The following UQCRC2 variants were observed in gnomAD, a reference collection of about 807,000 sequenced individuals.
UQCRC2 encodes cytochrome b-c1 complex subunit 2, mitochondrial.
Under a neutral mutation model 55.6 loss-of-function variants are expected in UQCRC2, and 49 were observed. The ratio of observed to expected loss-of-function variants is 0.88; its 90% CI spans 0.70 to 1.12. The LOEUF is 1.12. UQCRC2 is among the 50% of genes most tolerant of loss of function. The pLI is 0.00. For synonymous variants in UQCRC2, 193 were observed against 192.0 expected (o/e 1.01, Z -0.04); for missense variants, 506 against 547.8 (o/e 0.92, Z 0.76).
rs1295543807 is a variant in UQCRC2 at position 21,983,326 on chromosome 16, G to T, written c.*155G>T. On this transcript the variant is annotated 3_prime_UTR_variant, in exon 14 of 14. Coordinates refer to ENST00000268379, the MANE Select transcript of UQCRC2 (RefSeq NM_003366.4). ...GGTAATTATTCCCAGCTGACCTAAAGTCAATAAAACATTCTGTTTAAGTGT... is the reference window on the plus strand; with the variant it reads ...GGTAATTATTCCCAGCTGACCTAAATTCAATAAAACATTCTGTTTAAGTGT... 4.9e-6 allele frequency: 3 copies of T among 609,422 alleles called. No homozygotes were observed. The highest frequency in any genetic ancestry group is 8.3e-6 in the Non-Finnish European group (3 of 359,372). The allele number at this position is 609,422 out of a possible 1,614,324, so 37.8% of individuals were successfully genotyped here.
chr16:21,959,868 T>G (rs1898160766), intron 4 of UQCRC2: 1 of 152,234 alleles, frequency 6.6e-6, no homozygotes, highest in Admixed American at 6.5e-5. Context: ...TTGGCATTGT[T>G]GCAGTAATAA....
chr16:21,982,533 C>T (rs529648900), intron 13 of UQCRC2, among the ~76,000 whole-genome samples: 2 of 152,310 alleles, frequency 1.3e-5, no homozygotes, highest in South Asian at 2.1e-4. Flanking sequence ...CAGTGTTGCT[C>T]TTGCTTGGTT....
At position 21,957,288 on chromosome 16, in the gene UQCRC2, A is replaced by G. The variant is rs1169386207; in HGVS notation, c.87A>G (p.Ala29=). ...AAGTTAAAGCCACAGCTGCGCCTGC[A>G]GGAGCACCGCCACAACCTCAGGACC... ...APKVKATAAP[A]GAPPQPQDLE... is the part of the protein sequence containing the mutation. Residue 29 remains alanine, a synonymous_variant, in exon 2 of 14, where the codon GCA becomes GCG. Transcript: ENST00000268379. 1.2e-6 allele frequency: 2 copies of G among 1,613,918 alleles called. No homozygotes were observed. The highest frequency in any genetic ancestry group is 1.3e-5 in the African/African-American group (1 of 74,896).
At position 21,963,494 on chromosome 16, in the gene UQCRC2, G is replaced by A. The variant is rs560152476; in HGVS notation, c.514+609G>A. Among the ~76,000 whole-genome samples, 28 of 151,280 alleles carry A rather than the reference G, an allele frequency of 1.9e-4. No individual in the cohort carries two copies. The South Asian group carries it at 5.7e-3, about 31-fold the overall frequency. ...TGTTTGTTTGTTTGTTTTTGAGACA[G>A]GGTGTTGCTTGTTGCCCAGGCTGGA... On this transcript the variant is annotated intron_variant, in intron 6 of 13. Coordinates refer to ENST00000268379, the MANE Select transcript of UQCRC2 (RefSeq NM_003366.4).
intron 12 of UQCRC2, among the ~76,000 whole-genome samples, chr16:21,977,559 T>A (rs948949337): frequency 1.3e-5 from 2 of 152,204 alleles, no homozygotes; most frequent in Non-Finnish European, 2.9e-5. Context: ...AAATCCCCAC[T>A]GTCCAGATTG....
intron 4 of UQCRC2, among the ~76,000 whole-genome samples, chr16:21,961,686 G>C (rs1200928221): frequency 8.5e-6 from 1 of 118,238 alleles, no homozygotes; most frequent in Non-Finnish European, 1.9e-5. Flanking sequence ...CAGTCTCGCT[G>C]TGTCGCCCAG....
chr16:21,974,660 C>T (rs757139714), intron 11 of UQCRC2, among the ~76,000 whole-genome samples: 2 of 152,098 alleles, frequency 1.3e-5, no homozygotes, highest in Non-Finnish European at 2.9e-5. Context: ...GCTAGTGGAG[C>T]TTAGACATTC....
At chr16:21,970,882 A>G (rs994092389) in intron 8 of UQCRC2, among the ~76,000 whole-genome samples, 4 of 151,782 alleles carry the variant, frequency 2.6e-5, no homozygotes, top group Non-Finnish European at 4.4e-5. Context: ...CACCGTGCCC[A>G]GTCAACTTTG....
chr16:21,981,894 G>A (rs1368175956), intron 13 of UQCRC2, among the ~76,000 whole-genome samples: 3 of 149,482 alleles, frequency 2.0e-5, no homozygotes, highest in African/African-American at 4.9e-5. Context: ...AGGCTGGAGT[G>A]CAGTGGCGCG....
Position 21,982,919 on chromosome 16 carries a change from G to A in UQCRC2, c.1279-169G>A, listed in dbSNP as rs536665943. ...GCGGAGGCTGCAGTGAGCCAAGATC[G>A]CAGCACTGCACTCCACACTGGGTGA... is the stretch of plus-strand genomic sequence containing the variant. On this transcript the variant is annotated intron_variant, in intron 13 of 13. Coordinates refer to ENST00000268379, the MANE Select transcript of UQCRC2 (RefSeq NM_003366.4). Among the ~76,000 whole-genome samples, 23 of 142,340 alleles carry A rather than the reference G, an allele frequency of 1.6e-4. No homozygotes were observed. In the East Asian group the frequency reaches 4.1e-3, roughly 25 times the overall value. The allele number at this position is 142,340 out of a possible 152,430, so 93.4% of individuals were successfully genotyped here.
Position 21,957,441 on chromosome 16 carries a change from G to A in UQCRC2, c.142G>A (p.Val48Met), listed in dbSNP as rs529908256. Residue 48 changes from valine to methionine, a missense_variant, in exon 3 of 14, where the codon GTG (valine) becomes ATG (methionine). Transcript: ENST00000268379. ...GTTTACCAAGTTACCAAATGGCTTG[G>A]TGATTGCTTCTTTGGAAAACTATTC... is the stretch of plus-strand genomic sequence containing the variant. ...LEFTKLPNGLVIASLENYSPV... is the reference protein window; with the variant it reads ...LEFTKLPNGLMIASLENYSPV... 33 of 1,614,064 alleles carry A rather than the reference G, an allele frequency of 2.0e-5. No homozygotes were observed. In the South Asian group the frequency reaches 3.6e-4, roughly 18 times the overall value.
chr16:21,960,592 G>A (rs773402700), intron 4 of UQCRC2, among the ~76,000 whole-genome samples: 13 of 152,134 alleles, frequency 8.5e-5, no homozygotes, highest in Non-Finnish European at 1.5e-4. Flanking sequence ...ACCTGTATCC[G>A]TTTTTAACAT....
At chr16:21,954,714 C>T (rs1898061901) in intron 1 of UQCRC2, among the ~76,000 whole-genome samples, 1 of 152,062 alleles carries the variant, frequency 6.6e-6, no homozygotes, top group Non-Finnish European at 1.5e-5. Flanking sequence ...ATGACAGTTA[C>T]TAGGATAATT....
chr16:21,961,824 G>A (rs1206985274), intron 4 of UQCRC2, among the ~76,000 whole-genome samples: 1 of 151,050 alleles, frequency 6.6e-6, no homozygotes, highest in Admixed American at 6.6e-5. Context: ...GCTAATTTTT[G>A]TATTTTCAGT....
At chr16:21,959,688 T>G (rs1224358581) in intron 4 of UQCRC2, 1 of 152,272 alleles carries the variant, frequency 6.6e-6, no homozygotes, top group East Asian at 1.9e-4. Flanking sequence ...TTTGCCCAGA[T>G]CCATCAGCGT....
chr16:21,962,244 G>C (rs760940300), intron 4 of UQCRC2: 107 of 565,380 alleles, frequency 1.9e-4, no homozygotes, highest in Non-Finnish European at 3.0e-4. Flanking sequence ...TGTAACATGT[G>C]ACCAGATTTC....
intron 8 of UQCRC2, among the ~76,000 whole-genome samples, chr16:21,969,321 G>A (rs1309404089): frequency 2.0e-5 from 3 of 152,108 alleles, no homozygotes; most frequent in African/African-American, 7.2e-5. Context: ...ATCACCTGAG[G>A]TCAGGAGTTC....
intron 8 of UQCRC2, among the ~76,000 whole-genome samples, chr16:21,971,024 T>C (rs1018212378): frequency 3.9e-5 from 6 of 152,174 alleles, no homozygotes; most frequent in Non-Finnish European, 7.3e-5. Context: ...TTTCCTGCAT[T>C]TCATGGGTCC....
chr16:21,958,230 C>T (rs1164751640), intron 3 of UQCRC2, among the ~76,000 whole-genome samples: 2 of 152,186 alleles, frequency 1.3e-5, no homozygotes, highest in South Asian at 2.1e-4. Flanking sequence ...AAATTTTTAA[C>T]AGGAAGTGCC....
Sources: allele counts gnomAD v4.1 joint callset (sites outside exome capture counted in the v4.1 genomes callset), GRCh38; gene constraint gnomAD v4.1.1; transcripts MANE v1.5; gene names NCBI Gene and HGNC (gene_info 2026-07-23, HGNC 2026-07-21).